The following UTRN variants were observed in gnomAD, a reference collection of about 807,000 sequenced individuals.
UTRN encodes dystrophin-related protein 1.
In UTRN, 283 loss-of-function variants were observed where a neutral mutation model predicts 463.9. The observed-to-expected ratio is 0.61, with a 90% CI of 0.55 to 0.67. The LOEUF (loss-of-function observed/expected upper bound fraction) is 0.67, where lower values mean the gene tolerates loss of function less well. Ranked by LOEUF, UTRN falls within the 30% of genes least tolerant of loss-of-function variation. The pLI is 0.00. For synonymous variants in UTRN, 1,442 were observed against 1,431.5 expected, an observed-to-expected ratio of 1.01 and a Z score of -0.17; for missense variants, 3,922 against 4,084.3, an observed-to-expected ratio of 0.96 and a Z score of 1.08.
chr6:144,338,573 C>T (rs1021108331), intron 2 of UTRN, among the ~76,000 whole-genome samples: 3 of 152,106 alleles, frequency 2.0e-5, no homozygotes, highest in East Asian at 1.9e-4. Flanking sequence ...ACTCCATCCT[C>T]GCATGGGAAA....
In UTRN at chr6:144,337,554, G is replaced by A. The variant is rs550977071; in HGVS notation, c.79+45647G>A. Among the ~76,000 whole-genome samples, 190 of 152,126 alleles carry A rather than the reference G, an allele frequency of 1.2e-3. 1 individual carries two copies. The highest frequency in any genetic ancestry group is 4.5e-3 in the African/African-American group (185 of 41,474). On this transcript the variant is annotated intron_variant, in intron 2 of 74. Transcript: ENST00000367545. ...TAAATATGATTTCCCTGCTTTTATTGGCAGCTATTTAAGATCTATGTCTGA... is the reference window on the plus strand; with the variant it reads ...TAAATATGATTTCCCTGCTTTTATTAGCAGCTATTTAAGATCTATGTCTGA...
intron 38 of UTRN, among the ~76,000 whole-genome samples, chr6:144,516,609 T>C (rs571230443): frequency 6.6e-6 from 1 of 152,076 alleles, no homozygotes; most frequent in African/African-American, 2.4e-5. Flanking sequence ...TATTATCTAA[T>C]GTTTGCTAAA....
rs117753830 is a variant in UTRN at position 144,675,255 on chromosome 6, C to T, written c.7480-3151C>T. Among the ~76,000 whole-genome samples, 762 of 152,228 alleles carry T rather than the reference C, an allele frequency of 5.0e-3. 7 individuals are homozygous for T. The highest frequency in any genetic ancestry group is 0.017 in the South Asian group (81 of 4,826). ...GCGTCTAGCCACCCAGCAGGGCTAC[C>T]GGGCTCCAATCTGATCCTAGGGAAT... On this transcript the variant is annotated intron_variant, in intron 51 of 74. Transcript: ENST00000367545.
intron 58 of UTRN, among the ~76,000 whole-genome samples, chr6:144,762,426 T>G (rs1342100357): frequency 6.6e-6 from 1 of 152,212 alleles, no homozygotes; most frequent in African/African-American, 2.4e-5. Context: ...ACGGTTACCA[T>G]TTACTATGCA....
intron 50 of UTRN, among the ~76,000 whole-genome samples, chr6:144,561,020 A>G (rs1799815332): frequency 6.6e-6 from 1 of 151,156 alleles, no homozygotes; most frequent in Admixed American, 6.6e-5. Flanking sequence ...TATCCTGACC[A>G]CTACTTTTTT....
intron 34 of UTRN, among the ~76,000 whole-genome samples, chr6:144,504,620 G>A (rs1052049809): frequency 6.6e-6 from 1 of 152,194 alleles, no homozygotes; most frequent in Non-Finnish European, 1.5e-5. Flanking sequence ...ACTTGATCAT[G>A]GTGGATACAC....
At chr6:144,819,831 A>T (rs895837219) in intron 65 of UTRN, among the ~76,000 whole-genome samples, 3 of 151,300 alleles carry the variant, frequency 2.0e-5, no homozygotes, top group Admixed American at 6.6e-5. Flanking sequence ...AGTGTCTGTG[A>T]TTACAAGAAA....
intron 45 of UTRN, among the ~76,000 whole-genome samples, chr6:144,539,983 C>G (rs909475571): frequency 6.7e-6 from 1 of 148,340 alleles, no homozygotes; most frequent in Non-Finnish European, 1.5e-5. Flanking sequence ...GTGGAGGTTG[C>G]AGTGAGCTGC....
Position 144,450,990 on chromosome 6 carries a change from A to G in UTRN, c.2073-380A>G, listed in dbSNP as rs1040110090. Among the ~76,000 whole-genome samples the G allele has an allele frequency of 7.2e-5, 11 of 152,036 alleles. No homozygotes were observed. The South Asian group carries it at 8.3e-4, about 11-fold the overall frequency. ...TAGCTGGGTGTGGTGGTGGGCACCT[A>G]TAATCCTAGCTACTCGGGAGGCTGA... On this transcript the variant is annotated intron_variant, in intron 17 of 74. Transcript: ENST00000367545.
intron 49 of UTRN, among the ~76,000 whole-genome samples, chr6:144,555,864 G>C (rs903360544): frequency 6.6e-6 from 1 of 152,128 alleles, no homozygotes; most frequent in African/African-American, 2.4e-5. Flanking sequence ...TTACCCTGAA[G>C]GTTATTTTTA....
At chr6:144,573,192 C>T (rs901485615) in intron 50 of UTRN, among the ~76,000 whole-genome samples, 1 of 152,032 alleles carries the variant, frequency 6.6e-6, no homozygotes, top group South Asian at 2.1e-4. Flanking sequence ...TGATATCCTT[C>T]GCCTACTTTT....
intron 53 of UTRN, among the ~76,000 whole-genome samples, chr6:144,722,240 G>T (rs1787269827): frequency 6.6e-6 from 1 of 152,020 alleles, no homozygotes. Context: ...TTGCCTCAGA[G>T]CCTTTGCACT....
chr6:144,303,196 G>A (rs1367687533), intron 2 of UTRN, among the ~76,000 whole-genome samples: 1 of 152,214 alleles, frequency 6.6e-6, no homozygotes, highest in East Asian at 1.9e-4. Context: ...AGGAGACTGA[G>A]CAGGGGAAAG....
At chr6:144,846,740 T>G in intron 73 of UTRN, 65 bp from the exon 74 acceptor site, 7 of 1,609,238 alleles carry the variant, frequency 4.3e-6, no homozygotes, top group South Asian at 1.1e-5. Context: ...TTTGCATGCC[T>G]GAGAGTTGGA....
At chr6:144,601,482 T>C (rs1055694704) in intron 51 of UTRN, among the ~76,000 whole-genome samples, 1 of 151,188 alleles carries the variant, frequency 6.6e-6, no homozygotes. Flanking sequence ...GTGGTGGAAA[T>C]GGCAAGAGAA....
At chr6:144,522,240 G>T in intron 40 of UTRN, 69 bp downstream of exon 40, 2 of 1,287,294 alleles carry the variant, frequency 1.6e-6, no homozygotes, top group Non-Finnish European at 1.0e-6. Flanking sequence ...ATTTGTTCTT[G>T]TGCCTACTTA....
rs536147339 is a variant in UTRN at position 144,470,439 on chromosome 6, G to A, written c.3067-3281G>A. On this transcript the variant is annotated intron_variant, in intron 23 of 74. Coordinates refer to ENST00000367545, the MANE Select transcript of UTRN (RefSeq NM_007124.3). The stretch of plus-strand genomic sequence containing the variant: ...TCAGTTCCCAGACGGGGTCGCGGCC[G>A]GGCAGAGGCGCTCCTCACATCCCAG... 2.6e-4 allele frequency among the ~76,000 whole-genome samples: 40 copies of A among 152,148 alleles called. No individual in the cohort carries two copies. The South Asian group carries it at 3.5e-3, about 13-fold the overall frequency.
intron 23 of UTRN, among the ~76,000 whole-genome samples, chr6:144,463,067 C>T (rs1464011551): frequency 6.6e-6 from 1 of 152,078 alleles, no homozygotes; most frequent in East Asian, 1.9e-4. Flanking sequence ...GAAGCAAAGT[C>T]AAAAGTAGAG....
intron 51 of UTRN, among the ~76,000 whole-genome samples, chr6:144,612,487 A>G (rs1482965872): frequency 6.6e-6 from 1 of 152,128 alleles, no homozygotes; most frequent in East Asian, 1.9e-4. Context: ...GCCAATATAT[A>G]TAAGCACTCA....
Sources: gnomAD v4.1 joint callset for allele counts (sites outside exome capture counted in the v4.1 genomes callset) on GRCh38, gnomAD v4.1.1 for gene constraint, MANE v1.5 for transcripts, NCBI Gene and HGNC (gene_info 2026-07-23, HGNC 2026-07-21) for gene names.